The following ANKS3 variants were observed in gnomAD, a reference collection of about 807,000 sequenced individuals.
The protein encoded by ANKS3 is ankyrin repeat and SAM domain-containing protein 3.
A neutral mutation model predicts 80.7 loss-of-function variants in ANKS3; 62 were observed. The ratio of observed to expected loss-of-function variants is 0.77; its 90% CI spans 0.63 to 0.95. The LOEUF is 0.95. ANKS3 is among the 40% of genes least tolerant of loss of function. The pLI, the probability that ANKS3 is intolerant of heterozygous loss-of-function variation, is 0.00. For missense variants in ANKS3, 1,150 were observed against 883.6 expected (o/e 1.30, Z -3.82); for synonymous variants, 489 against 355.3 (o/e 1.38, Z -4.23).
At chr16:4,703,016 G>C (rs1241432349) in intron 8 of ANKS3, among the ~76,000 whole-genome samples, 1 of 152,186 alleles carries the variant, frequency 6.6e-6, no homozygotes, top group Non-Finnish European at 1.5e-5. Flanking sequence ...AGAACCCAAA[G>C]GACTGGTTGA....
intron 14 of ANKS3, 142 bp from the exon 15 acceptor site, chr16:4,698,204 C>A: frequency 8.7e-7 from 1 of 1,150,484 alleles, no homozygotes; most frequent in East Asian, 2.6e-5. Context: ...CCCCATGAGG[C>A]TGCACTAAAG....
intron 9 of ANKS3, chr16:4,701,759 G>T: frequency 1.9e-6 from 1 of 529,150 alleles, no homozygotes; most frequent in Non-Finnish European, 3.3e-6. Flanking sequence ...CCAAGCACCC[G>T]GAGCAGTGCT....
At chr16:4,698,370 A>G in intron 14 of ANKS3, 57 bp downstream of exon 14, 1 of 1,435,186 alleles carries the variant, frequency 7.0e-7, no homozygotes, top group Non-Finnish European at 9.1e-7. Flanking sequence ...GTGGGGGCCC[A>G]GGGGCCAGGT....
intron 4 of ANKS3, 81 bp from the exon 5 acceptor site, chr16:4,726,861 G>A (rs1291223400): frequency 1.9e-6 from 3 of 1,596,644 alleles, no homozygotes; most frequent in South Asian, 1.1e-5. Flanking sequence ...CATGCTGCAA[G>A]AATCAGAAGT....
chr16:4,703,963 C>A (rs1235987571), intron 8 of ANKS3, among the ~76,000 whole-genome samples: 2 of 152,228 alleles, frequency 1.3e-5, no homozygotes, highest in Non-Finnish European at 2.9e-5. Flanking sequence ...CTTCCTGTCC[C>A]CACCACACCT....
At chr16:4,700,901 A>G in intron 11 of ANKS3, 69 bp downstream of exon 11, 1 of 1,586,724 alleles carries the variant, frequency 6.3e-7, no homozygotes, top group South Asian at 1.1e-5. Context: ...CATATACACA[A>G]CACATGCCTC....
At chr16:4,730,265 A>C in intron 2 of ANKS3, 114 bp from the exon 3 acceptor site, 2 of 1,016,500 alleles carry the variant, frequency 2.0e-6, no homozygotes, top group Non-Finnish European at 2.6e-6. Flanking sequence ...AACCCAGTGC[A>C]GTCAACCCCG....
intron 7 of ANKS3, among the ~76,000 whole-genome samples, chr16:4,712,642 A>G (rs988488737): frequency 4.6e-5 from 7 of 152,154 alleles, no homozygotes; most frequent in African/African-American, 1.7e-4. Context: ...ACTCAGGAAT[A>G]GAAGAACTGA....
At chr16:4,723,548 A>T (rs762720437) in intron 6 of ANKS3, among the ~76,000 whole-genome samples, 5 of 152,152 alleles carry the variant, frequency 3.3e-5, no homozygotes, top group Admixed American at 2.6e-4. Context: ...TCAGCCTCCC[A>T]AAGTGTTGGG....
intron 11 of ANKS3, chr16:4,700,738 G>T (rs773418967): frequency 2.3e-5 from 16 of 704,350 alleles, no homozygotes; most frequent in Non-Finnish European, 3.8e-5. Flanking sequence ...CTCCAGTATG[G>T]AAAGCAGGGA....
At chr16:4,702,934 T>C (rs991035518) in intron 8 of ANKS3, among the ~76,000 whole-genome samples, 37 of 152,248 alleles carry the variant, frequency 2.4e-4, no homozygotes, top group African/African-American at 8.2e-4. Context: ...GCTCAGGAAC[T>C]GGAGCCTTCA....
At chr16:4,716,138 A>G (rs2080781151) in intron 6 of ANKS3, among the ~76,000 whole-genome samples, 2 of 152,008 alleles carry the variant, frequency 1.3e-5, no homozygotes, top group South Asian at 4.2e-4. Flanking sequence ...TGGACGGAGC[A>G]CAAGGTCAGG....
At chr16:4,714,319 G>A (rs77869554) in intron 6 of ANKS3, 133 bp from the exon 7 acceptor site, 33,370 of 1,314,542 alleles carry the variant, frequency 0.025, 541 homozygotes, top group Non-Finnish European at 0.03. Context: ...CATCACATCT[G>A]CATGAGAAAG....
chr16:4,727,213 C>T (rs1455500262), intron 3 of ANKS3, 36 bp from the exon 4 acceptor site: 2 of 1,605,316 alleles, frequency 1.2e-6, no homozygotes, highest in Non-Finnish European at 8.5e-7. Flanking sequence ...CATGGCCAGC[C>T]GCCTCGCATG....
At chr16:4,706,376 AC>A (rs1372110871) in intron 7 of ANKS3, among the ~76,000 whole-genome samples, 3 of 151,578 alleles carry the variant, frequency 2.0e-5, no homozygotes, top group Non-Finnish European at 4.4e-5. Flanking sequence ...GACTACAGGC[AC>A]CCGGCCACCA....
intron 7 of ANKS3, among the ~76,000 whole-genome samples, chr16:4,711,447 G>C (rs181085659): frequency 1.8e-4 from 28 of 151,710 alleles, no homozygotes; most frequent in Admixed American, 6.6e-4. Context: ...GGCCGGGTGC[G>C]GTGGCTCACA....
intron 7 of ANKS3, among the ~76,000 whole-genome samples, chr16:4,706,636 TTTA>T (rs1204160016): frequency 6.6e-6 from 1 of 152,162 alleles, no homozygotes; most frequent in African/African-American, 2.4e-5. Flanking sequence ...AACCAGAGCT[TTTA>T]TTATTTTGTA....
intron 7 of ANKS3, among the ~76,000 whole-genome samples, chr16:4,706,389 G>A (rs1213548379): frequency 2.0e-5 from 3 of 151,878 alleles, no homozygotes; most frequent in Non-Finnish European, 4.4e-5. Context: ...CGGCCACCAT[G>A]CCCAGCTAAT....
At position 4,714,075 on chromosome 16, in the gene ANKS3, G is replaced by A. The variant is rs1266960906; in HGVS notation, c.685C>T (p.Pro229Ser). Residue 229 changes from proline (P) to serine (S), a missense_variant, in exon 7 of 18, where the codon CCC (proline) becomes TCC (serine). Pro to Ser is a moderately conservative substitution (Grantham distance 74). Coordinates refer to ENST00000304283, the MANE Select transcript of ANKS3 (RefSeq NM_133450.4). ...CCTGGGCTCCGATAGAGGCTCTTGG[G>A]CAGAGAGGGCGAGTAAGTGTCCATC... ...ALMDTYSPSL[P>S]KSLYRSPEKY... 3.1e-6 allele frequency: 5 copies of A among 1,614,072 alleles called. No homozygotes were observed. Among genetic ancestry groups the A allele is most frequent in the Non-Finnish European group, 4.2e-6 (5 of 1,180,038 alleles).
Sources: allele counts gnomAD v4.1 joint callset (sites outside exome capture counted in the v4.1 genomes callset), GRCh38; gene constraint gnomAD v4.1.1; transcripts MANE v1.5; gene names NCBI Gene and HGNC (gene_info 2026-07-23, HGNC 2026-07-21).